The following RFT1 variants were observed in gnomAD, a reference collection of about 807,000 sequenced individuals.
RFT1 encodes man(5)GlcNAc(2)-PP-dolichol translocation protein RFT1.
In RFT1, 43 loss-of-function variants were observed where a neutral mutation model predicts 62.2. The observed-to-expected ratio is 0.69, with a 90% confidence interval of 0.54 to 0.89. The LOEUF is 0.89. RFT1 is among the 40% of genes least tolerant of loss of function. The pLI is 0.00. For missense variants in RFT1, 605 were observed against 649.9 expected (o/e 0.93, Z 0.75); for synonymous variants, 262 against 264.6 (o/e 0.99, Z 0.10).
At chr3:53,096,727 T>C (rs1394607838) in intron 11 of RFT1, among the ~76,000 whole-genome samples, 3 of 152,114 alleles carry the variant, frequency 2.0e-5, no homozygotes, top group African/African-American at 7.2e-5. Flanking sequence ...TAATATTTCA[T>C]ATACAACCAA....
chr3:53,111,414 A>AG (rs1487462071), intron 7 of RFT1, among the ~76,000 whole-genome samples: 4 of 152,204 alleles, frequency 2.6e-5, no homozygotes, highest in African/African-American at 4.8e-5. Context: ...TCAAAAAAAA[A>AG]AAAATGATAA....
At chr3:53,113,337 G>C (rs1467732365) in intron 6 of RFT1, among the ~76,000 whole-genome samples, 1 of 152,158 alleles carries the variant, frequency 6.6e-6, no homozygotes, top group African/African-American at 2.4e-5. Flanking sequence ...TTAATCCTAG[G>C]GTACTTGCAT....
In RFT1 at chr3:53,125,849, T is replaced by C. The variant is rs1702093579; in HGVS notation, c.149+60A>G. 6 of 1,313,620 alleles carry C rather than the reference T, an allele frequency of 4.6e-6. No homozygotes were observed. In the South Asian group the frequency reaches 4.9e-5, roughly 11 times the overall value. The allele number at this position is 1,313,620 out of a possible 1,614,324, so 81.4% of individuals were successfully genotyped here. ...CAAGGATGACAAACAGGTACAGAGT[T>C]TGAAGAAAGCCTGGCTAGGAAGGTG... On this transcript the variant is annotated intron_variant, in intron 2 of 12. Coordinates refer to ENST00000296292, the MANE Select transcript of RFT1 (RefSeq NM_052859.4).
chr3:53,111,533 C>A (rs1701649127), intron 7 of RFT1, among the ~76,000 whole-genome samples: 1 of 152,130 alleles, frequency 6.6e-6, no homozygotes, highest in South Asian at 2.1e-4. Context: ...TTCCTTGTTA[C>A]TATAAAACCC....
rs1158747751 is a variant in RFT1 at position 53,130,374 on chromosome 3, G to A, written c.27C>T (p.His9=). Residue 9 remains histidine (H), a synonymous_variant, in exon 1 of 13, where the codon CAC becomes CAT. Transcript: ENST00000296292. ...GACCGGAGGAGGCCAGCCGGGCCGC[G>A]TGGCCCAGCACCTCCTGGCTGCCCA... The part of the protein sequence containing the change: MGSQEVLG[H]AARLASSGLL... 3 of 1,563,584 alleles carry A rather than the reference G, an allele frequency of 1.9e-6. No individual in the cohort carries two copies. Among genetic ancestry groups the A allele is most frequent in the Non-Finnish European group, 2.6e-6 (3 of 1,154,242 alleles).
chr3:53,103,227 G>C, intron 10 of RFT1: 1 of 985,378 alleles, frequency 1.0e-6, no homozygotes, highest in Non-Finnish European at 1.2e-6. Flanking sequence ...TATTGAGATG[G>C]GGCAGCAGAA....
intron 7 of RFT1, among the ~76,000 whole-genome samples, chr3:53,107,896 C>T (rs543789724): frequency 3.6e-4 from 55 of 152,274 alleles, no homozygotes; most frequent in South Asian, 2.1e-3. Flanking sequence ...GATCTTCTCT[C>T]AAGACTTTCT....
chr3:53,116,291 CTTTTT>C (rs71087059), intron 6 of RFT1, among the ~76,000 whole-genome samples: 10 of 113,644 alleles, frequency 8.8e-5, no homozygotes, highest in Admixed American at 1.8e-4. Context: ...CATCTCATTT[CTTTTT>C]TTTTTTTTTT....
At chr3:53,111,409 A>G (rs940182793) in intron 7 of RFT1, among the ~76,000 whole-genome samples, 1 of 152,146 alleles carries the variant, frequency 6.6e-6, no homozygotes, top group Admixed American at 6.6e-5. Context: ...CCATCTCAAA[A>G]AAAAAAAAAT....
At chr3:53,122,861 ACT>A (rs1249711301) in intron 3 of RFT1, among the ~76,000 whole-genome samples, 1 of 152,156 alleles carries the variant, frequency 6.6e-6, no homozygotes, top group African/African-American at 2.4e-5. Flanking sequence ...TCCTGCAATA[ACT>A]CCAAAGCCTA....
chr3:53,077,932 T>C, the RFT1 span: 1 of 152,372 alleles, frequency 6.6e-6, no homozygotes, highest in Non-Finnish European at 1.5e-5. Flanking sequence ...TGCAAAGCCC[T>C]TTTCAGATGT....
the RFT1 span, among the ~76,000 whole-genome samples, chr3:53,072,280 C>T: frequency 1.3e-4 from 20 of 152,104 alleles, no homozygotes; most frequent in African/African-American, 3.6e-4. Context: ...TCATCCTGCC[C>T]GGGCGGGAAC....
chr3:53,116,775 T>A (rs927728199), intron 6 of RFT1, among the ~76,000 whole-genome samples: 3 of 152,094 alleles, frequency 2.0e-5, no homozygotes, highest in African/African-American at 7.2e-5. Flanking sequence ...CTAACTGTTT[T>A]GTATTTTTAG....
intron 12 of RFT1, 123 bp from the exon 13 acceptor site, chr3:53,092,193 T>C: frequency 1.4e-6 from 2 of 1,392,338 alleles, no homozygotes; most frequent in Non-Finnish European, 2.0e-6. Flanking sequence ...ACAGCCATAC[T>C]GCAGGTCCAT....
rs113075246 is a variant in RFT1 at position 53,097,875 on chromosome 3, C to T, written c.1208+1506G>A. Among the ~76,000 whole-genome samples, 12 of 152,314 alleles carry T rather than the reference C, an allele frequency of 7.9e-5. No individual in the cohort carries two copies. In the East Asian group the frequency reaches 1.5e-3, roughly 20 times the overall value. ...CCATAGGGAAAGAAGAGGATAGACT[C>T]AAAGCAGTTCTACTCTAAAGCTATA... On this transcript the variant is annotated intron_variant, in intron 11 of 12. Coordinates refer to ENST00000296292, the MANE Select transcript of RFT1 (RefSeq NM_052859.4).
At chr3:53,095,178 G>C (rs1249976131) in intron 11 of RFT1, among the ~76,000 whole-genome samples, 1 of 151,876 alleles carries the variant, frequency 6.6e-6, no homozygotes, top group Non-Finnish European at 1.5e-5. Context: ...AGGCAGAATT[G>C]CTTGAACCCG....
intron 6 of RFT1, among the ~76,000 whole-genome samples, chr3:53,115,626 G>C (rs959092475): frequency 6.6e-6 from 1 of 152,146 alleles, no homozygotes; most frequent in African/African-American, 2.4e-5. Flanking sequence ...CCAACACAAT[G>C]ATGGGCAGGT....
rs758102329 is a variant in RFT1, at chr3:53,099,420, C to T, written c.1169G>A (p.Cys390Tyr). ...LLLAINGVTE[C>Y]FTFAAMSKEE... ...TTTGCTCATGGCAGCAAATGTGAAA[C>T]ACTCTGTCACTCCATTGATGGCAAG... The change falls in exon 11 of 13, where the codon TGT (cysteine) becomes TAT (tyrosine). Residue 390 changes from cysteine (C) to tyrosine (Y), a missense_variant. Coordinates refer to ENST00000296292, the MANE Select transcript of RFT1 (RefSeq NM_052859.4). 3.1e-6 allele frequency: 5 copies of T among 1,614,044 alleles called. No individual in the cohort carries two copies. Among genetic ancestry groups the T allele is most frequent in the Non-Finnish European group, 4.2e-6 (5 of 1,180,016 alleles).
chr3:53,125,867 G>C (rs746994384), intron 2 of RFT1, 42 bp downstream of exon 2: 1 of 1,468,744 alleles, frequency 6.8e-7, no homozygotes, highest in Admixed American at 1.7e-5. Context: ...AGCCTGGCTA[G>C]GAAGGTGAAC....
Sources: gnomAD v4.1 joint callset for allele counts (sites outside exome capture counted in the v4.1 genomes callset) on GRCh38, gnomAD v4.1.1 for gene constraint, MANE v1.5 for transcripts, NCBI Gene and HGNC (gene_info 2026-07-23, HGNC 2026-07-21) for gene names.